The following AKAP13 variants were observed in gnomAD, a reference collection of about 807,000 sequenced individuals.
AKAP13 encodes the protein A-kinase anchor protein 13.
In AKAP13, 80 loss-of-function variants were observed where a neutral mutation model predicts 264.5. The ratio of observed to expected loss-of-function variants is 0.30; its 90% CI spans 0.25 to 0.36. The LOEUF (loss-of-function observed/expected upper bound fraction) is 0.36, where lower values mean the gene tolerates loss of function less well. Among genes scored for constraint, AKAP13 ranks in the 10% least tolerant of loss-of-function variants. The probability of loss-of-function intolerance (pLI) is 1.00; values close to 1 mark genes in which losing one functional copy is unlikely to be tolerated. For missense variants in AKAP13, 3,712 were observed against 3,435.2 expected (o/e 1.08, Z -2.01); for synonymous variants, 1,380 against 1,250.2 (o/e 1.10, Z -2.19).
At chr15:85,388,948 T>A (rs368713348) in intron 1 of AKAP13, among the ~76,000 whole-genome samples, 7 of 152,220 alleles carry the variant, frequency 4.6e-5, no homozygotes, top group African/African-American at 1.7e-4. Flanking sequence ...GCCAAACTTA[T>A]GTGTGTAAGT....
intron 12 of AKAP13, among the ~76,000 whole-genome samples, chr15:85,661,496 A>G (rs1016484825): frequency 6.6e-6 from 1 of 152,084 alleles, no homozygotes; most frequent in African/African-American, 2.4e-5. Flanking sequence ...AGGCGGGTGG[A>G]TCACTTGAGG....
intron 8 of AKAP13, among the ~76,000 whole-genome samples, chr15:85,589,069 A>G (rs1189406896): frequency 1.3e-5 from 2 of 152,200 alleles, no homozygotes; most frequent in Non-Finnish European, 2.9e-5. Context: ...ATGATGTGAA[A>G]TCTGACTACT....
intron 1 of AKAP13, chr15:85,382,108 G>A (rs2070310709): frequency 6.6e-6 from 1 of 152,210 alleles, no homozygotes; most frequent in Non-Finnish European, 1.5e-5. Flanking sequence ...ATATGAACAT[G>A]ATTCTGTTTC....
At chr15:85,518,282 G>T (rs890237778) in intron 2 of AKAP13, among the ~76,000 whole-genome samples, 1 of 152,162 alleles carries the variant, frequency 6.6e-6, no homozygotes, top group East Asian at 1.9e-4. Context: ...TCAAGTAATA[G>T]TAGGTACCTG....
At chr15:85,551,336 C>T (rs554502447) in intron 5 of AKAP13, among the ~76,000 whole-genome samples, 6 of 152,288 alleles carry the variant, frequency 3.9e-5, no homozygotes, top group African/African-American at 9.6e-5. Flanking sequence ...TTATTGTATT[C>T]GTTGCTAGGT....
chr15:85,693,032 A>G (rs1466077913), intron 16 of AKAP13: 1 of 481,024 alleles, frequency 2.1e-6, no homozygotes, highest in Non-Finnish European at 3.4e-6. Flanking sequence ...AGAAGTAACC[A>G]ATGAATAAGC....
At chr15:85,398,805 T>G (rs1374117186) in intron 1 of AKAP13, among the ~76,000 whole-genome samples, 1 of 152,180 alleles carries the variant, frequency 6.6e-6, no homozygotes, top group African/African-American at 2.4e-5. Context: ...ATCCACGTGT[T>G]TCCGCCAGCC....
intron 12 of AKAP13, among the ~76,000 whole-genome samples, chr15:85,662,941 A>G (rs1364638860): frequency 6.6e-6 from 1 of 152,196 alleles, no homozygotes; most frequent in East Asian, 1.9e-4. Context: ...TGCAGTAAGC[A>G]TAGATCTGGT....
At chr15:85,663,309 C>CAAAAA (rs11435393) in intron 12 of AKAP13, among the ~76,000 whole-genome samples, 1 of 134,758 alleles carries the variant, frequency 7.4e-6, no homozygotes. Context: ...GGCTCTGTCT[C>CAAAAA]AAAAAAAAAA....
intron 4 of AKAP13, 194 bp downstream of exon 4, chr15:85,534,074 T>C (rs972935386): frequency 3.5e-6 from 2 of 568,474 alleles, no homozygotes; most frequent in Non-Finnish European, 5.9e-6. Context: ...AGCATGTTGT[T>C]GCAGCGAAAT....
chr15:85,560,222 G>A (rs1231345310), intron 5 of AKAP13, among the ~76,000 whole-genome samples: 7 of 149,838 alleles, frequency 4.7e-5, no homozygotes, highest in Non-Finnish European at 1.0e-4. Context: ...CTAGAGTGCT[G>A]TGGTGAGACC....
chr15:85,402,584 C>T (rs191721146), intron 1 of AKAP13, among the ~76,000 whole-genome samples: 34 of 152,314 alleles, frequency 2.2e-4, no homozygotes, highest in African/African-American at 8.2e-4. Flanking sequence ...CTTTTTAGCT[C>T]TCCGGGAGCT....
At chr15:85,639,887 A>G (rs11636185) in intron 9 of AKAP13, among the ~76,000 whole-genome samples, 31,274 of 152,154 alleles carry the variant, frequency 0.21, 4,278 homozygotes, top group Middle Eastern at 0.42. Context: ...CCTAGATATC[A>G]AAATCTTTAT....
In AKAP13 at chr15:85,650,106, T is replaced by TAA. The variant is rs541534662; in HGVS notation, c.4374+4160_4374+4161dup. Among the ~76,000 whole-genome samples, 503 of 151,390 alleles carry TAA rather than the reference T, an allele frequency of 3.3e-3. 1 individual carries two copies. Among genetic ancestry groups the TAA allele is most frequent in the African/African-American group, 0.011 (463 of 41,276 alleles). On this transcript the variant is annotated intron_variant, in intron 10 of 36. Coordinates refer to ENST00000394518, the MANE Select transcript of AKAP13 (RefSeq NM_007200.5). ...TTGATCCCCAAGCCAAAAAATTACT[T>TAA]AAAAAAAAACAATAAACCTTTTTGA... is the stretch of plus-strand genomic sequence containing the variant.
At chr15:85,509,008 T>C (rs1240727345) in intron 2 of AKAP13, among the ~76,000 whole-genome samples, 3 of 152,192 alleles carry the variant, frequency 2.0e-5, no homozygotes, top group African/African-American at 7.2e-5. Flanking sequence ...CTCTTTCTAA[T>C]AGAACTTTCC....
intron 2 of AKAP13, among the ~76,000 whole-genome samples, chr15:85,489,940 G>A (rs2075676911): frequency 6.6e-6 from 1 of 152,222 alleles, no homozygotes; most frequent in South Asian, 2.1e-4. Context: ...ATATGGCTAT[G>A]CCTTGGTTTT....
At position 85,442,527 on chromosome 15, in the gene AKAP13, T is replaced by TATA. The variant is rs1214561644; in HGVS notation, c.-11-43182_-11-43180dup. On this transcript the variant is annotated intron_variant, in intron 1 of 36. Transcript: ENST00000394518. ...ATTATATATAATATATATTATATTATATATAATATATATTATATATATATT... is the reference window on the plus strand; with the variant it reads ...ATTATATATAATATATATTATATTATATAATATAATATATATTATATATATATT... Among the ~76,000 whole-genome samples, 11 of 74,074 alleles carry TATA rather than the reference T, an allele frequency of 1.5e-4. No individual in the cohort carries two copies. The South Asian group carries it at 1.5e-3, about 10-fold the overall frequency. 48.6% of individuals were successfully genotyped at this position (74,074 alleles called of 152,430 possible). A position where few individuals can be genotyped will look rare whatever the true frequency, so the allele number is the denominator to read the frequency against.
rs1567038675 is a variant in AKAP13 at position 85,399,527 on chromosome 15, A to AAAAAAAAAAT, written c.-12+18732_-12+18733insAAAAAATAAA. 8.1e-3 allele frequency among the ~76,000 whole-genome samples: 924 copies of AAAAAAAAAAT among 114,512 alleles called. 10 individuals are homozygous for AAAAAAAAAAT. The highest frequency in any genetic ancestry group is 0.015 in the Admixed American group (163 of 10,768). 75.1% of individuals were successfully genotyped at this position (114,512 alleles called of 152,430 possible). ...CAAAAAAAAAAAAAAAAAAAATAAA[A>AAAAAAAAAAT]AAATAAAAAAATAAATAAATAAATA... On this transcript the variant is annotated intron_variant, in intron 1 of 36. Transcript: ENST00000394518.
At chr15:85,388,695 C>A (rs777084223) in intron 1 of AKAP13, among the ~76,000 whole-genome samples, 1 of 152,046 alleles carries the variant, frequency 6.6e-6, no homozygotes, top group Admixed American at 6.5e-5. Flanking sequence ...CTCATTTAGT[C>A]GTGATGTATT....
Sources: gnomAD v4.1 joint callset for allele counts (sites outside exome capture counted in the v4.1 genomes callset) on GRCh38, gnomAD v4.1.1 for gene constraint, MANE v1.5 for transcripts, NCBI Gene and HGNC (gene_info 2026-07-23, HGNC 2026-07-21) for gene names.